The following USP47 variants were observed in gnomAD, a reference collection of about 807,000 sequenced individuals.
USP47 encodes the protein ubiquitin specific peptidase 47.
A neutral mutation model predicts 165.1 loss-of-function variants in USP47; 35 were observed. The ratio of observed to expected loss-of-function variants is 0.21; its 90% CI spans 0.16 to 0.28. The LOEUF (loss-of-function observed/expected upper bound fraction) is 0.28. Ranked by LOEUF, USP47 falls within the 10% of genes least tolerant of loss-of-function variation. The pLI, the probability that USP47 is intolerant of heterozygous loss-of-function variation, is 1.00. For missense variants in USP47, 1,277 were observed against 1,607.4 expected (o/e 0.79, Z 3.52); for synonymous variants, 531 against 544.5 (o/e 0.98, Z 0.35).
At chr11:11,930,215 G>A (rs1189425096) in intron 13 of USP47, 95 bp downstream of exon 13, 1 of 1,195,128 alleles carries the variant, frequency 8.4e-7, no homozygotes, top group East Asian at 2.5e-5. Context: ...AAGGGATTGA[G>A]GAACTACAAC....
At chr11:11,947,254 A>G (rs763609112) in intron 20 of USP47, among the ~76,000 whole-genome samples, 16 of 152,208 alleles carry the variant, frequency 1.1e-4, no homozygotes, top group Non-Finnish European at 2.2e-4. Context: ...AGATAATCCT[A>G]TTACAATACC....
intron 1 of USP47, among the ~76,000 whole-genome samples, chr11:11,874,559 A>G (rs529080264): frequency 3.7e-4 from 56 of 149,684 alleles, no homozygotes; most frequent in Non-Finnish European, 6.4e-4. Context: ...AATGAAGCTG[A>G]TACTTTTTTT....
Position 11,905,544 on chromosome 11 carries a change from G to A in USP47, c.965G>A (p.Ser322Asn). 4 of 1,604,486 alleles carry A rather than the reference G, an allele frequency of 2.5e-6. No individual in the cohort carries two copies. Among genetic ancestry groups the A allele is most frequent in the Non-Finnish European group, 3.4e-6 (4 of 1,173,532 alleles). Residue 322 changes from serine to asparagine, a missense_variant, in exon 8 of 28, where the codon AGT becomes AAT. Ser to Asn is a conservative substitution (Grantham distance 46). This residue lies in a region of USP47 where 175 missense variants were observed against 295.8 expected (regional missense o/e 0.59). Coordinates refer to ENST00000527733, the MANE Select transcript of USP47 (RefSeq NM_001282659.2). The stretch of plus-strand genomic sequence containing the variant: ...TATGGGTCCAGCCAAGCATTTGCTA[G>A]TGTGGTGTGTACCTTTCACCTGACT... The part of the protein sequence containing the change: ...RPYGSSQAFA[S>N]VEEALHAFIQ...
intron 18 of USP47, 151 bp downstream of exon 18, chr11:11,938,523 A>G (rs1488360250): frequency 3.2e-6 from 2 of 629,526 alleles, no homozygotes; most frequent in African/African-American, 3.7e-5. Context: ...AAAGAAACAG[A>G]TTGAGTAAAG....
At position 11,924,069 on chromosome 11, in the gene USP47, C is replaced by T. The variant is rs1854059966; in HGVS notation, c.1386+1178C>T. On this transcript the variant is annotated intron_variant, in intron 11 of 27. Transcript: ENST00000527733. ...GAATAGAGTGGTGAGGGAGAACTTCCTTACCTTGTTTCCAATCTTCAGAGG... is the reference window on the plus strand; with the variant it reads ...GAATAGAGTGGTGAGGGAGAACTTCTTTACCTTGTTTCCAATCTTCAGAGG... Among the ~76,000 whole-genome samples, 2 of 152,216 alleles carry T rather than the reference C, an allele frequency of 1.3e-5. 1 individual carries two copies. The highest frequency in any genetic ancestry group is 4.1e-4 in the South Asian group (2 of 4,832).
At chr11:11,914,307 A>C (rs1204646037) in intron 8 of USP47, among the ~76,000 whole-genome samples, 2 of 152,146 alleles carry the variant, frequency 1.3e-5, no homozygotes, top group Non-Finnish European at 2.9e-5. Flanking sequence ...TGGAGGAAAA[A>C]TGGTGTTTCC....
At position 11,929,523 on chromosome 11, in the gene USP47, T is replaced by C; in HGVS notation, c.1476T>C (p.Ser492=). The C allele has an allele frequency of 1.2e-6, 2 of 1,613,196 alleles. No homozygotes were observed. Among genetic ancestry groups the C allele is most frequent in the Non-Finnish European group, 1.7e-6 (2 of 1,179,346 alleles). Residue 492 remains serine, a synonymous_variant, in exon 12 of 28, where the codon AGT becomes AGC. Coordinates refer to ENST00000527733, the MANE Select transcript of USP47 (RefSeq NM_001282659.2). ...ATTATGCATGTATAAAGTCATTCAGTGATGAGCAGTGGTACAGCTTCAATG... is the reference window on the plus strand; with the variant it reads ...ATTATGCATGTATAAAGTCATTCAGCGATGAGCAGTGGTACAGCTTCAATG... The part of the protein sequence containing the change: ...GHYYACIKSF[S]DEQWYSFNDQ...
At chr11:11,955,241 C>A in intron 27 of USP47, 77 bp downstream of exon 27, 1 of 1,522,808 alleles carries the variant, frequency 6.6e-7, no homozygotes, top group Non-Finnish European at 8.8e-7. Flanking sequence ...CCATAAATAT[C>A]TTTACTGTTT....
intron 10 of USP47, among the ~76,000 whole-genome samples, chr11:11,922,186 A>T (rs1853885679): frequency 6.6e-6 from 1 of 151,976 alleles, no homozygotes; most frequent in South Asian, 2.1e-4. Flanking sequence ...AAAGTAGAAA[A>T]GTATAATGTG....
Position 11,866,558 on chromosome 11 carries a change from A to G in USP47, c.40-13619A>G, listed in dbSNP as rs961442660. On this transcript the variant is annotated intron_variant, in intron 1 of 27. Coordinates refer to ENST00000527733, the MANE Select transcript of USP47 (RefSeq NM_001282659.2). ...ATGGCACTATGGTAGTTTAGTAGAA[A>G]TCAGGCATGTTTCACTGTCATCAGT... 7.9e-5 allele frequency among the ~76,000 whole-genome samples: 12 copies of G among 152,310 alleles called. No homozygotes were observed. In the East Asian group the frequency reaches 2.3e-3, roughly 29 times the overall value.
At chr11:11,861,105 T>G (rs1849354507) in intron 1 of USP47, among the ~76,000 whole-genome samples, 1 of 152,146 alleles carries the variant, frequency 6.6e-6, no homozygotes, top group African/African-American at 2.4e-5. Context: ...TATTTTATTT[T>G]ATTTTTTGAG....
At chr11:11,880,639 T>C (rs373840836) in intron 2 of USP47, among the ~76,000 whole-genome samples, 1 of 152,162 alleles carries the variant, frequency 6.6e-6, no homozygotes, top group East Asian at 1.9e-4. Flanking sequence ...TCTCATAATA[T>C]TGTCTCAACT....
At chr11:11,904,716 G>A (rs1017698981) in intron 7 of USP47, among the ~76,000 whole-genome samples, 1 of 152,122 alleles carries the variant, frequency 6.6e-6, no homozygotes, top group Non-Finnish European at 1.5e-5. Context: ...AAAAGCCCTA[G>A]TTAACTAAGT....
At chr11:11,930,825 A>T (rs947933548) in intron 14 of USP47, 74 bp downstream of exon 14, 5 of 1,209,778 alleles carry the variant, frequency 4.1e-6, no homozygotes, top group African/African-American at 1.5e-5. Flanking sequence ...GCAAACCCAG[A>T]TAACTACTTT....
intron 3 of USP47, among the ~76,000 whole-genome samples, chr11:11,891,224 CTT>C (rs1435972451): frequency 6.6e-6 from 1 of 152,190 alleles, no homozygotes; most frequent in Non-Finnish European, 1.5e-5. Flanking sequence ...TTACCTCACT[CTT>C]TTACAGGCTG....
chr11:11,939,010 G>T (rs1855279977), intron 18 of USP47, among the ~76,000 whole-genome samples: 1 of 151,978 alleles, frequency 6.6e-6, no homozygotes, highest in African/African-American at 2.4e-5. Context: ...AGGTGAGGCT[G>T]TAGACTTGAC....
rs200549894 is a variant in USP47 at position 11,956,413 on chromosome 11, T to TA, written c.*247dup. ...AAGTGAAAAGGGATGTGCAAAAAAA[T>TA]AAAAAAAAACAACAAAAAAAGCTAA... is the stretch of plus-strand genomic sequence containing the variant. On this transcript the variant is annotated 3_prime_UTR_variant, in exon 28 of 28. Coordinates refer to ENST00000527733, the MANE Select transcript of USP47 (RefSeq NM_001282659.2). The TA allele has an allele frequency of 2.8e-3, 955 of 336,096 alleles. 1 individual carries two copies. The highest frequency in any genetic ancestry group is 7.6e-3 in the Middle Eastern group (10 of 1,318). 20.8% of individuals were successfully genotyped at this position (336,096 alleles called of 1,614,324 possible). A position where few individuals can be genotyped will look rare whatever the true frequency, so the allele number is the denominator to read the frequency against.
At chr11:11,851,597 C>T (rs1848731863) in intron 1 of USP47, among the ~76,000 whole-genome samples, 1 of 152,120 alleles carries the variant, frequency 6.6e-6, no homozygotes, top group Non-Finnish European at 1.5e-5. Flanking sequence ...AAGAAATTAA[C>T]CTTAGTATAA....
chr11:11,871,232 A>G (rs1411808917), intron 1 of USP47, among the ~76,000 whole-genome samples: 1 of 151,476 alleles, frequency 6.6e-6, no homozygotes, highest in African/African-American at 2.4e-5. Context: ...AGCTGGGTGC[A>G]GTGGCGCACG....
Sources: gnomAD v4.1 joint callset for allele counts (sites outside exome capture counted in the v4.1 genomes callset) on GRCh38, gnomAD v4.1.1 for gene constraint, gnomAD v4.1.1 regional missense constraint, MANE v1.5 for transcripts, NCBI Gene and HGNC (gene_info 2026-07-23, HGNC 2026-07-21) for gene names.